ZNF326: variants seen among roughly 807,000 people sequenced by gnomAD.
ZNF326 encodes the protein zinc finger protein 326.
A neutral mutation model predicts 63.1 loss-of-function variants in ZNF326; 30 were observed. The ratio of observed to expected loss-of-function variants is 0.48; its 90% CI spans 0.36 to 0.64. ZNF326 has a LOEUF of 0.64. Among genes scored for constraint, ZNF326 ranks in the 30% least tolerant of loss-of-function variants. The pLI is 0.00. For missense variants in ZNF326, 609 were observed against 720.3 expected, an observed-to-expected ratio of 0.85 and a Z score of 1.77; for synonymous variants, 194 against 228.2, an observed-to-expected ratio of 0.85 and a Z score of 1.35.
intron 5 of ZNF326, among the ~76,000 whole-genome samples, chr1:90,008,170 C>CA (rs1189860655): frequency 6.6e-6 from 1 of 152,096 alleles, no homozygotes; most frequent in Non-Finnish European, 1.5e-5. Flanking sequence ...TAAACTCTAG[C>CA]AAGTAGAATT....
chr1:90,029,623 A>T lies in ZNF326; in HGVS notation c.*1922A>T, dbSNP rs981971478. 2.0e-5 allele frequency: 3 copies of T among 152,140 alleles called. No individual in the cohort carries two copies. Among genetic ancestry groups the T allele is most frequent in the Admixed American group, 6.5e-5 (1 of 15,278 alleles). The allele number at this position is 152,140 out of a possible 1,614,324, so 9.4% of individuals were successfully genotyped here. ...GATACTAAGCTGAGTGATTTTTTTT[A>T]AAACAATGTCTCTGGTAGTCTGATT... On this transcript the variant is annotated 3_prime_UTR_variant, in exon 12 of 12. Coordinates refer to ENST00000340281, the MANE Select transcript of ZNF326 (RefSeq NM_182976.4).
Position 90,033,721 on chromosome 1 carries a change from A to T in ZNF326, c.*6020A>T, listed in dbSNP as rs1251436207. The T allele has an allele frequency of 6.6e-6, 1 of 152,172 alleles. No individual in the cohort carries two copies. The highest frequency in any genetic ancestry group is 1.5e-5 in the Non-Finnish European group (1 of 68,004). 9.4% of individuals were successfully genotyped at this position (152,172 alleles called of 1,614,324 possible). On this transcript the variant is annotated 3_prime_UTR_variant, in exon 12 of 12. Coordinates refer to ENST00000340281, the MANE Select transcript of ZNF326 (RefSeq NM_182976.4). ...ATGGAAGTTACAGTAAAAGACATAGATGTATCTCTTAAAGACATAGAAAAC... is the reference window on the plus strand; with the variant it reads ...ATGGAAGTTACAGTAAAAGACATAGTTGTATCTCTTAAAGACATAGAAAAC...
At chr1:89,995,299 C>T in intron 1 of ZNF326, 26 bp downstream of exon 1, 1 of 1,543,250 alleles carries the variant, frequency 6.5e-7, no homozygotes. Flanking sequence ...GGCTGGTCGG[C>T]GCAGCTGGCA....
rs532126202 is a variant in ZNF326 at position 90,008,252 on chromosome 1, A to C, written c.615+502A>C. 2.6e-5 allele frequency among the ~76,000 whole-genome samples: 4 copies of C among 152,232 alleles called. No individual in the cohort carries two copies. In the East Asian group the frequency reaches 7.7e-4, roughly 29 times the overall value. On this transcript the variant is annotated intron_variant, in intron 5 of 11. Transcript: ENST00000340281. ...GATGATAGATCAGGATAGCTTAGCC[A>C]TGTTTATGTGGTGAAGAAGTTGATG...
chr1:90,020,987 C>A, intron 10 of ZNF326, 65 bp downstream of exon 10: 1 of 1,541,412 alleles, frequency 6.5e-7, no homozygotes, highest in Non-Finnish European at 8.9e-7. Context: ...TGTTCTTTGG[C>A]CATAGCTTCA....
chr1:90,013,953 T>C (rs1241630006), intron 7 of ZNF326, among the ~76,000 whole-genome samples: 1 of 151,908 alleles, frequency 6.6e-6, no homozygotes, highest in East Asian at 1.9e-4. Flanking sequence ...TAGTCCCAGC[T>C]ACTCGGGAGG....
chr1:90,020,934 A>G lies in ZNF326; in HGVS notation c.1305+12A>G, dbSNP rs7536004. Reference sequence around the variant, plus strand: ...TCAAAGGGAAGCAGGTAAAATTTTCATCTGTCTTAATAAAGTTGCCAGATT... The same window carrying G: ...TCAAAGGGAAGCAGGTAAAATTTTCGTCTGTCTTAATAAAGTTGCCAGATT... On this transcript the variant is annotated intron_variant, in intron 10 of 11. Coordinates refer to ENST00000340281, the MANE Select transcript of ZNF326 (RefSeq NM_182976.4). The G allele has an allele frequency of 6.0e-4, 960 of 1,610,676 alleles. 1 individual carries two copies. The African/African-American group carries it at 0.011, about 19-fold the overall frequency.
intron 9 of ZNF326, among the ~76,000 whole-genome samples, chr1:90,019,107 C>A (rs956840016): frequency 1.3e-5 from 2 of 152,018 alleles, no homozygotes; most frequent in African/African-American, 4.8e-5. Flanking sequence ...TTTAGTCTTT[C>A]CTTCTCTTTT....
Position 89,995,123 on chromosome 1 carries a change from C to T in ZNF326, c.-135C>T. ...CCCCGCCTCCCCAGCCTCGCTGTGG[C>T]CTGCGGCTCCCGGGCTGGTAGCGCG... On this transcript the variant is annotated 5_prime_UTR_variant, in exon 1 of 12. Coordinates refer to ENST00000340281, the MANE Select transcript of ZNF326 (RefSeq NM_182976.4). 8.1e-6 allele frequency: 9 copies of T among 1,113,328 alleles called. No individual in the cohort carries two copies. Among genetic ancestry groups the T allele is most frequent in the Non-Finnish European group, 1.0e-5 (8 of 792,972 alleles). The allele number at this position is 1,113,328 out of a possible 1,614,324, so 69.0% of individuals were successfully genotyped here.
In ZNF326 at chr1:90,027,544, G is replaced by A; in HGVS notation, c.1592G>A (p.Gly531Asp). Residue 531 changes from glycine to aspartate, a missense_variant, in exon 12 of 12, where the codon GGC (glycine) becomes GAC (aspartate). Physicochemically the swap from Gly to Asp is moderately conservative, Grantham distance 94. Coordinates refer to ENST00000340281, the MANE Select transcript of ZNF326 (RefSeq NM_182976.4). Reference sequence around the variant, plus strand: ...GAAGTGAGAGAAGGAGGAATAGAGGGCGAGGGAAATATACAGGGAGTAGGG... The same window carrying A: ...GAAGTGAGAGAAGGAGGAATAGAGGACGAGGGAAATATACAGGGAGTAGGG... ...VEEVREGGIE[G>D]EGNIQGVGEG... 3 of 1,608,726 alleles carry A rather than the reference G, an allele frequency of 1.9e-6. No homozygotes were observed. Among genetic ancestry groups the A allele is most frequent in the Non-Finnish European group, 2.5e-6 (3 of 1,177,004 alleles).
intron 11 of ZNF326, among the ~76,000 whole-genome samples, chr1:90,024,909 C>A (rs1348606722): frequency 5.3e-5 from 8 of 150,888 alleles, no homozygotes; most frequent in Non-Finnish European, 1.0e-4. Flanking sequence ...GAGGAAAAAT[C>A]TTCTTTGCCT....
intron 4 of ZNF326, chr1:90,005,691 C>T: frequency 3.0e-6 from 3 of 985,072 alleles, no homozygotes; most frequent in South Asian, 9.4e-5. Flanking sequence ...ACCAGTCTAA[C>T]ATTTACTTTC....
intron 7 of ZNF326, 59 bp from the exon 8 acceptor site, chr1:90,017,258 T>C (rs1005476428): frequency 1.4e-5 from 17 of 1,206,594 alleles, no homozygotes; most frequent in Non-Finnish European, 1.8e-5. Flanking sequence ...TATATTCTTA[T>C]GAACTCTTTA....
rs778932149 is a variant in ZNF326 at position 90,018,737 on chromosome 1, A to G, written c.1127A>G (p.Asn376Ser). 1.9e-6 allele frequency: 3 copies of G among 1,583,226 alleles called. No individual in the cohort carries two copies. Among genetic ancestry groups the G allele is most frequent in the Non-Finnish European group, 2.6e-6 (3 of 1,163,300 alleles). Residue 376 changes from asparagine (N) to serine (S), a missense_variant, in exon 9 of 12, where the codon AAT becomes AGT. Physicochemically the swap from Asn to Ser is conservative, Grantham distance 46 (BLOSUM62 1). This residue lies in a region of ZNF326 where 399 missense variants were observed against 444.3 expected (regional missense o/e 0.90). Coordinates refer to ENST00000340281, the MANE Select transcript of ZNF326 (RefSeq NM_182976.4). The stretch of plus-strand genomic sequence containing the variant: ...ACATCTATTCGTAAGCAACAGACAA[A>G]TAATCAAACAGAAGTAGTTAAAATA... The part of the protein sequence containing the change: ...KKTSIRKQQT[N>S]NQTEVVKIIE...
rs201312408 is a variant in ZNF326, at chr1:90,007,548, G to A, written c.413G>A (p.Arg138His). ...TCTAGCTGGGAAGCACCTTACTCCC[G>A]TTCAAAATTGAGGCCTGGGTTTATG... is the stretch of plus-strand genomic sequence containing the variant. ...GGSSWEAPYS[R>H]SKLRPGFMED... is the part of the protein sequence containing the mutation. The change falls in exon 5 of 12, where the codon CGT (arginine) becomes CAT (histidine). Residue 138 changes from arginine to histidine, a missense_variant. Coordinates refer to ENST00000340281, the MANE Select transcript of ZNF326 (RefSeq NM_182976.4). This position sits in a 1 kb window ranked among gnomAD's most constrained non-coding sequence, Gnocchi z 4.9. 96 of 1,613,574 alleles carry A rather than the reference G, an allele frequency of 5.9e-5. No homozygotes were observed. Among genetic ancestry groups the A allele is most frequent in the East Asian group, 4.5e-5 (2 of 44,872 alleles).
chr1:90,023,543 C>T (rs898470930), intron 11 of ZNF326, among the ~76,000 whole-genome samples: 2 of 152,078 alleles, frequency 1.3e-5, no homozygotes, highest in Admixed American at 1.3e-4. Context: ...CCATTTACTA[C>T]ATTCTTGACA....
chr1:90,000,437 G>GC (rs1343574459), intron 2 of ZNF326, among the ~76,000 whole-genome samples: 1 of 152,204 alleles, frequency 6.6e-6, no homozygotes, highest in African/African-American at 2.4e-5. Flanking sequence ...GGTAGCTCAT[G>GC]CCTATAATCC....
In ZNF326 at chr1:89,997,660, C is replaced by T. The variant is rs182987307; in HGVS notation, c.17-450C>T. ...TGCTGGGATTACAGGCGTGAGCCACCGTGCCCGGCCAAGATCTTGAAATCT... is the reference window on the plus strand; with the variant it reads ...TGCTGGGATTACAGGCGTGAGCCACTGTGCCCGGCCAAGATCTTGAAATCT... On this transcript the variant is annotated intron_variant, in intron 1 of 11. Coordinates refer to ENST00000340281, the MANE Select transcript of ZNF326 (RefSeq NM_182976.4). Among the ~76,000 whole-genome samples, 86 of 152,282 alleles carry T rather than the reference C, an allele frequency of 5.6e-4. 3 individuals are homozygous for T. Among genetic ancestry groups the T allele is most frequent in the Admixed American group, 1.4e-3 (21 of 15,296 alleles).
intron 9 of ZNF326, 43 bp from the exon 10 acceptor site, chr1:90,020,749 T>C: frequency 1.3e-6 from 2 of 1,575,184 alleles, no homozygotes; most frequent in Non-Finnish European, 1.7e-6. Context: ...TGGTCAGAAA[T>C]AACATATGAA....
Sources: allele counts gnomAD v4.1 joint callset (sites outside exome capture counted in the v4.1 genomes callset), GRCh38; gene constraint gnomAD v4.1.1; regional missense constraint gnomAD v4.1.1; non-coding constraint Gnocchi (gnomAD v3.1); transcripts MANE v1.5; gene names NCBI Gene and HGNC (gene_info 2026-07-23, HGNC 2026-07-21).